Variants in DCBLD2 observed in about 807,000 individuals in gnomAD.
DCBLD2 encodes discoidin, CUB and LCCL domain-containing protein 2.
Under a neutral mutation model 86.8 loss-of-function variants are expected in DCBLD2, and 54 were observed. The ratio of observed to expected loss-of-function variants is 0.62; its 90% CI spans 0.50 to 0.78. The LOEUF (loss-of-function observed/expected upper bound fraction) is 0.78, where lower values mean the gene tolerates loss of function less well. DCBLD2 is among the 30% of genes least tolerant of loss of function. DCBLD2 has a pLI of 0.00. For synonymous variants in DCBLD2, 354 were observed against 341.3 expected (o/e 1.04, Z -0.41); for missense variants, 908 against 954.2 (o/e 0.95, Z 0.64).
chr3:98,824,535 A>G (rs564007897), intron 4 of DCBLD2, among the ~76,000 whole-genome samples: 21 of 152,196 alleles, frequency 1.4e-4, no homozygotes, highest in African/African-American at 5.1e-4. Context: ...CTTGGGGGGA[A>G]GTGGTAGTAA....
At chr3:98,834,167 A>G (rs1466706049) in intron 3 of DCBLD2, among the ~76,000 whole-genome samples, 4 of 139,300 alleles carry the variant, frequency 2.9e-5, no homozygotes, top group Admixed American at 2.8e-4. Context: ...TTTTGTTTTA[A>G]ATTTTTTTAT....
At chr3:98,808,323 G>C (rs1256249840) in intron 12 of DCBLD2, 149 bp from the exon 13 acceptor site, 1 of 633,094 alleles carries the variant, frequency 1.6e-6, no homozygotes, top group Non-Finnish European at 2.6e-6. Context: ...TGGGCATGTG[G>C]TGGTAACTGT....
At chr3:98,881,976 G>C (rs936383145) in intron 1 of DCBLD2, among the ~76,000 whole-genome samples, 2 of 152,116 alleles carry the variant, frequency 1.3e-5, no homozygotes, top group African/African-American at 4.8e-5. Flanking sequence ...ATAGTGATCA[G>C]ATCAGGGCAA....
intron 3 of DCBLD2, among the ~76,000 whole-genome samples, chr3:98,838,901 C>G (rs1290819324): frequency 6.6e-6 from 1 of 151,678 alleles, no homozygotes; most frequent in Non-Finnish European, 1.5e-5. Flanking sequence ...TCAGGCGTGG[C>G]GGCGCGTGCC....
chr3:98,835,612 C>T (rs1189517701), intron 3 of DCBLD2, among the ~76,000 whole-genome samples: 1 of 147,702 alleles, frequency 6.8e-6, no homozygotes, highest in Non-Finnish European at 1.5e-5. Flanking sequence ...TGCAATGGTG[C>T]AATCTCGGCT....
chr3:98,853,216 A>G (rs754133785), intron 2 of DCBLD2, among the ~76,000 whole-genome samples: 7 of 152,242 alleles, frequency 4.6e-5, no homozygotes, highest in Non-Finnish European at 7.3e-5. Flanking sequence ...CTTGGTCTGT[A>G]CAGCTCTGGG....
chr3:98,836,623 G>C (rs1438901800), intron 3 of DCBLD2, among the ~76,000 whole-genome samples: 12 of 133,876 alleles, frequency 9.0e-5, no homozygotes, highest in African/African-American at 1.4e-4. Flanking sequence ...CCTCCCAGAC[G>C]GGGCGGCTGG....
At chr3:98,818,121 C>T (rs974997144) in intron 8 of DCBLD2, among the ~76,000 whole-genome samples, 5 of 152,194 alleles carry the variant, frequency 3.3e-5, no homozygotes, top group African/African-American at 1.2e-4. Flanking sequence ...AAGAACTATT[C>T]TGTTTTGGTG....
intron 2 of DCBLD2, among the ~76,000 whole-genome samples, chr3:98,877,312 G>A (rs1419722567): frequency 1.3e-5 from 2 of 152,168 alleles, no homozygotes; most frequent in Non-Finnish European, 2.9e-5. Flanking sequence ...ATTTTTTAAT[G>A]TAGTATTTAG....
chr3:98,864,516 A>G (rs1348348918), intron 2 of DCBLD2, among the ~76,000 whole-genome samples: 1 of 152,274 alleles, frequency 6.6e-6, no homozygotes, highest in Non-Finnish European at 1.5e-5. Context: ...ATGGAATACT[A>G]TGCAACCATA....
intron 13 of DCBLD2, among the ~76,000 whole-genome samples, chr3:98,807,143 C>T (rs1252881730): frequency 7.2e-5 from 11 of 152,160 alleles, no homozygotes. Flanking sequence ...CAGACTGAAC[C>T]TCTATGGTTA....
At chr3:98,880,268 G>T (rs1943442131) in intron 2 of DCBLD2, among the ~76,000 whole-genome samples, 1 of 152,142 alleles carries the variant, frequency 6.6e-6, no homozygotes, top group Admixed American at 6.5e-5. Flanking sequence ...GGAAGCCAGA[G>T]GATGAACATA....
intron 15 of DCBLD2, among the ~76,000 whole-genome samples, chr3:98,800,127 T>C (rs1037206265): frequency 5.3e-5 from 8 of 152,238 alleles, no homozygotes; most frequent in Non-Finnish European, 1.0e-4. Context: ...GAATATTTCC[T>C]TTCTGAATTA....
chr3:98,843,473 T>G (rs1942657228), intron 3 of DCBLD2, among the ~76,000 whole-genome samples: 3 of 152,274 alleles, frequency 2.0e-5, no homozygotes, highest in Middle Eastern at 6.8e-3. Context: ...ACACTCTATT[T>G]TCAAAGCCGA....
intron 1 of DCBLD2, among the ~76,000 whole-genome samples, chr3:98,889,751 C>T (rs1294972922): frequency 6.6e-6 from 1 of 152,014 alleles, no homozygotes; most frequent in African/African-American, 2.4e-5. Context: ...TAACATTTTA[C>T]TGATTCCCTC....
intron 2 of DCBLD2, among the ~76,000 whole-genome samples, chr3:98,865,059 C>G (rs578101817): frequency 6.6e-6 from 1 of 151,998 alleles, no homozygotes; most frequent in East Asian, 1.9e-4. Flanking sequence ...GGAAGTTCCT[C>G]AAAAAATTAA....
At chr3:98,849,439 CA>C (rs1290935697) in intron 3 of DCBLD2, 21 bp downstream of exon 3, 5 of 1,613,508 alleles carry the variant, frequency 3.1e-6, no homozygotes, top group African/African-American at 2.7e-5. Flanking sequence ...CTGTAGGAAC[CA>C]TTGCAAAAGG....
chr3:98,883,641 G>A (rs1943512234), intron 1 of DCBLD2, among the ~76,000 whole-genome samples: 1 of 152,114 alleles, frequency 6.6e-6, no homozygotes, highest in Non-Finnish European at 1.5e-5. Context: ...GTACTGTTCA[G>A]CATTCCATAA....
At chr3:98,847,362 C>T (rs1477390992) in intron 3 of DCBLD2, among the ~76,000 whole-genome samples, 2 of 152,222 alleles carry the variant, frequency 1.3e-5, no homozygotes, top group Non-Finnish European at 2.9e-5. Flanking sequence ...ATCACACTGA[C>T]TAAGTTTTCC....
Sources: allele counts gnomAD v4.1 joint callset (sites outside exome capture counted in the v4.1 genomes callset), GRCh38; gene constraint gnomAD v4.1.1; transcripts MANE v1.5; gene names NCBI Gene and HGNC (gene_info 2026-07-23, HGNC 2026-07-21).